Variants in ALKBH3 observed in about 807,000 individuals in gnomAD.
ALKBH3 encodes the protein alpha-ketoglutarate-dependent dioxygenase alkB homolog 3.
Under a neutral mutation model 43.9 loss-of-function variants are expected in ALKBH3, and 51 were observed. That is an observed-to-expected ratio of 1.16 (90% CI 0.93 to 1.47). The LOEUF (loss-of-function observed/expected upper bound fraction) is 1.47. Among genes scored for constraint, ALKBH3 ranks in the 40% most tolerant of loss-of-function variants. ALKBH3 has a pLI of 0.00. For synonymous variants in ALKBH3, 102 were observed against 115.2 expected (o/e 0.89, Z 0.73); for missense variants, 361 against 351.9 (o/e 1.03, Z -0.21).
intron 8 of ALKBH3, among the ~76,000 whole-genome samples, chr11:43,914,434 G>A (rs61884012): frequency 0.23 from 34,569 of 152,058 alleles, 3,987 homozygotes; most frequent in Non-Finnish European, 0.26. Flanking sequence ...GAAGAAGTCT[G>A]GCAGGATGCT....
intron 7 of ALKBH3, among the ~76,000 whole-genome samples, chr11:43,894,387 A>G (rs1351867476): frequency 6.6e-6 from 1 of 152,212 alleles, no homozygotes; most frequent in Non-Finnish European, 1.5e-5. Flanking sequence ...TAAGGATAAA[A>G]TGTCTTCACT....
chr11:43,883,791 ACTGT>A lies in ALKBH3; in HGVS notation c.184-189_184-186del, dbSNP rs1342308631. Among the ~76,000 whole-genome samples, 3 of 152,142 alleles carry A rather than the reference ACTGT, an allele frequency of 2.0e-5. No homozygotes were observed. In the East Asian group the frequency reaches 5.8e-4, roughly 29 times the overall value. ...TCTATTAATAATTGTATCTTCTTTT[ACTGT>A]CTACTAGCAAATGTGAAGTAGTTTT... On this transcript the variant is annotated intron_variant, in intron 3 of 9. Transcript: ENST00000302708.
At chr11:43,913,228 T>C (rs911073180) in intron 8 of ALKBH3, among the ~76,000 whole-genome samples, 28 of 152,094 alleles carry the variant, frequency 1.8e-4, no homozygotes, top group African/African-American at 6.8e-4. Flanking sequence ...AGGTTAGGTA[T>C]ATTTGCAGGT....
intron 8 of ALKBH3, among the ~76,000 whole-genome samples, chr11:43,902,732 G>C (rs529944233): frequency 5.3e-4 from 80 of 152,358 alleles, no homozygotes; most frequent in African/African-American, 1.9e-3. Context: ...GAGTAGCTGG[G>C]ATTACAGGCG....
intron 6 of ALKBH3, among the ~76,000 whole-genome samples, chr11:43,890,962 G>A (rs968623132): frequency 3.9e-5 from 6 of 152,046 alleles, no homozygotes; most frequent in South Asian, 2.1e-4. Flanking sequence ...TACCTAATAC[G>A]ATGTAAGTGC....
At chr11:43,886,576 C>A in intron 4 of ALKBH3, 30 bp from the exon 5 acceptor site, 1 of 1,613,002 alleles carries the variant, frequency 6.2e-7, no homozygotes, top group Non-Finnish European at 8.5e-7. Context: ...TTGCCTCAAA[C>A]TAACAAGTCT....
Position 43,920,044 on chromosome 11 carries a change from C to G in ALKBH3, c.*34C>G, listed in dbSNP as rs772588878. 22 of 1,574,968 alleles carry G rather than the reference C, an allele frequency of 1.4e-5. No homozygotes were observed. Among genetic ancestry groups the G allele is most frequent in the Non-Finnish European group, 1.8e-5 (21 of 1,145,728 alleles). On this transcript the variant is annotated 3_prime_UTR_variant, in exon 10 of 10. Transcript: ENST00000302708. ...CTTTGAGAGAGAAGCTTCACTGAAA[C>G]GGAGCAAACCTTCCACTGAGAAGCC...
chr11:43,882,284 C>T (rs1251602473), intron 1 of ALKBH3, among the ~76,000 whole-genome samples: 2 of 152,188 alleles, frequency 1.3e-5, no homozygotes, highest in Non-Finnish European at 2.9e-5. Context: ...TTATATTCTA[C>T]TCTTGGGGAC....
Position 43,903,325 on chromosome 11 carries a change from CAGTT to C in ALKBH3, c.669+1602_669+1605del, listed in dbSNP as rs146219876. Among the ~76,000 whole-genome samples, 69 of 152,336 alleles carry C rather than the reference CAGTT, an allele frequency of 4.5e-4. No homozygotes were observed. The East Asian group carries it at 0.012, about 26-fold the overall frequency. On this transcript the variant is annotated intron_variant, in intron 8 of 9. Coordinates refer to ENST00000302708, the MANE Select transcript of ALKBH3 (RefSeq NM_139178.4). ...TATACTTCTGTACACAGCTTTCACT[CAGTT>C]AAATACCAAGTTCACATGTGTGAAA...
intron 8 of ALKBH3, chr11:43,909,646 G>A (rs1239327128): frequency 6.6e-6 from 1 of 152,208 alleles, no homozygotes; most frequent in African/African-American, 2.4e-5. Context: ...ACACAGGCTA[G>A]CATTTAGTTT....
chr11:43,895,181 G>A (rs1263719441), intron 7 of ALKBH3, among the ~76,000 whole-genome samples: 1 of 152,134 alleles, frequency 6.6e-6, no homozygotes, highest in Non-Finnish European at 1.5e-5. Context: ...TTTGCTGAAC[G>A]TCTGTTTCTT....
In ALKBH3 at chr11:43,883,176, A is replaced by G; in HGVS notation, c.171A>G (p.Lys57=). Residue 57 remains lysine (K), a synonymous_variant, in exon 3 of 10, where the codon AAA becomes AAG. Transcript: ENST00000302708. ...HHLSDREFVF[K]EPQQVVRRAP... is the part of the protein sequence containing the mutation. The stretch of plus-strand genomic sequence containing the variant: ...TCTCTGACAGAGAGTTTGTGTTCAA[A>G]GAACCTCAGCAGGTAAATTCATGGT... The G allele has an allele frequency of 6.2e-7, 1 of 1,613,466 alleles. No individual in the cohort carries two copies. Among genetic ancestry groups the G allele is most frequent in the East Asian group, 2.2e-5 (1 of 44,892 alleles).
At position 43,911,229 on chromosome 11, in the gene ALKBH3, G is replaced by A. The variant is rs140796417; in HGVS notation, c.670-7809G>A. Among the ~76,000 whole-genome samples, 322 of 152,294 alleles carry A rather than the reference G, an allele frequency of 2.1e-3. 1 individual carries two copies. Among genetic ancestry groups the A allele is most frequent in the Non-Finnish European group, 3.6e-3 (243 of 68,034 alleles). ...TAGCTTGGACTAAGGTGGCATTGGG[G>A]ATGAAGAGAAGTTAATGGGTTTGAG... is the stretch of plus-strand genomic sequence containing the variant. On this transcript the variant is annotated intron_variant, in intron 8 of 9. Transcript: ENST00000302708.
rs145405515 is a variant in ALKBH3, at chr11:43,903,519, A to C, written c.669+1794A>C. Among the ~76,000 whole-genome samples, 39 of 152,288 alleles carry C rather than the reference A, an allele frequency of 2.6e-4. No individual in the cohort carries two copies. In the East Asian group the frequency reaches 6.6e-3, roughly 26 times the overall value. On this transcript the variant is annotated intron_variant, in intron 8 of 9. Transcript: ENST00000302708. ...CGGGGGCCGTAGCAGTGAATGAGTA[A>C]GATGAAATTGTCTTTCTCCTCCTGG...
intron 5 of ALKBH3, among the ~76,000 whole-genome samples, chr11:43,889,354 T>C (rs1951767872): frequency 6.6e-6 from 1 of 152,226 alleles, no homozygotes; most frequent in African/African-American, 2.4e-5. Flanking sequence ...TCACAGTGAA[T>C]CTATGAGGTT....
chr11:43,886,804 G>A, intron 5 of ALKBH3, 151 bp downstream of exon 5: 1 of 782,076 alleles, frequency 1.3e-6, no homozygotes, highest in Non-Finnish European at 2.0e-6. Context: ...TCCTTTGCGG[G>A]AACATGGATG....
chr11:43,884,741 T>A (rs2135175939), intron 4 of ALKBH3, among the ~76,000 whole-genome samples: 1 of 152,282 alleles, frequency 6.6e-6, no homozygotes, highest in South Asian at 2.1e-4. Flanking sequence ...GCTAATAGTC[T>A]TTGGTTGTTT....
At chr11:43,909,800 A>G (rs999144317) in intron 8 of ALKBH3, 1 of 152,222 alleles carries the variant, frequency 6.6e-6, no homozygotes, top group Non-Finnish European at 1.5e-5. Flanking sequence ...TTGACCCTGC[A>G]GATATCCTGA....
chr11:43,913,547 A>G (rs1410693975), intron 8 of ALKBH3, among the ~76,000 whole-genome samples: 2 of 152,224 alleles, frequency 1.3e-5, no homozygotes, highest in African/African-American at 4.8e-5. Flanking sequence ...GCTAACTAAA[A>G]GCAATTGTAC....
Sources: gnomAD v4.1 joint callset for allele counts (sites outside exome capture counted in the v4.1 genomes callset) on GRCh38, gnomAD v4.1.1 for gene constraint, MANE v1.5 for transcripts, NCBI Gene and HGNC (gene_info 2026-07-23, HGNC 2026-07-21) for gene names.